Variants in SIMC1 observed in about 807,000 individuals in gnomAD.
SIMC1 encodes SUMO-interacting motif-containing protein 1.
In SIMC1, 55 loss-of-function variants were observed where a neutral mutation model predicts 82.3. That is an observed-to-expected ratio of 0.67 (90% confidence interval 0.54 to 0.84). The LOEUF is 0.84. SIMC1 is among the 40% of genes least tolerant of loss of function. SIMC1 has a pLI of 0.00. For missense variants in SIMC1, 915 were observed against 1,107.2 expected (o/e 0.83, Z 2.46); for synonymous variants, 353 against 426.3 (o/e 0.83, Z 2.12).
At chr5:176,308,159 G>A in intron 4 of SIMC1, 4 of 1,120,042 alleles carry the variant, frequency 3.6e-6, no homozygotes, top group Non-Finnish European at 4.0e-6. Flanking sequence ...AGAGAAGGAG[G>A]AAGTGATGGG....
chr5:176,319,064 G>A (rs1001719961), intron 5 of SIMC1, among the ~76,000 whole-genome samples: 2 of 152,168 alleles, frequency 1.3e-5, no homozygotes, highest in Non-Finnish European at 1.5e-5. Flanking sequence ...AGCTGAGATC[G>A]TGCCACTGCA....
Position 176,305,833 on chromosome 5 carries a change from C to T in SIMC1, c.1735-7858C>T, listed in dbSNP as rs1277624576. On this transcript the variant is annotated intron_variant, in intron 4 of 9. Coordinates refer to ENST00000429602, the MANE Select transcript of SIMC1 (RefSeq NM_001308195.2). ...GGCGTCAGCCCCCCGCCCGGCCAGC[C>T]GCCCCGTCCGGGAGGGAGGTGGGGG... is the stretch of plus-strand genomic sequence containing the variant. 3.0e-5 allele frequency among the ~76,000 whole-genome samples: 2 copies of T among 67,364 alleles called. 1 individual carries two copies. Among genetic ancestry groups the T allele is most frequent in the Admixed American group, 2.5e-4 (2 of 7,970 alleles). The allele number at this position is 67,364 out of a possible 152,430, so 44.2% of individuals were successfully genotyped here.
intron 6 of SIMC1, chr5:176,322,742 C>G: frequency 4.3e-6 from 1 of 232,374 alleles, no homozygotes; most frequent in Non-Finnish European, 8.5e-6. Flanking sequence ...TACAGCTCCT[C>G]ATCACTTCAG....
chr5:176,265,364 A>C (rs1337839731), intron 1 of SIMC1, among the ~76,000 whole-genome samples: 4 of 152,242 alleles, frequency 2.6e-5, no homozygotes, highest in Admixed American at 1.3e-4. Flanking sequence ...CAAAGAGTAA[A>C]ATTAACCAAA....
At chr5:176,250,468 C>CT (rs1761612273) in intron 1 of SIMC1, among the ~76,000 whole-genome samples, 1 of 152,164 alleles carries the variant, frequency 6.6e-6, no homozygotes, top group Admixed American at 6.5e-5. Context: ...CTGTAGATGT[C>CT]TATTAGGTCC....
At chr5:176,287,937 G>T (rs1338103541) in intron 1 of SIMC1, among the ~76,000 whole-genome samples, 1 of 152,158 alleles carries the variant, frequency 6.6e-6, no homozygotes, top group African/African-American at 2.4e-5. Context: ...GATAGAGGAA[G>T]GGGTTAGTTT....
At chr5:176,277,937 T>C (rs1417603955) in intron 1 of SIMC1, among the ~76,000 whole-genome samples, 1 of 149,698 alleles carries the variant, frequency 6.7e-6, no homozygotes, top group Non-Finnish European at 1.5e-5. Flanking sequence ...TGTGGGCTCT[T>C]TTTTGGTTCC....
chr5:176,337,099 T>A lies in SIMC1; in HGVS notation c.2366T>A (p.Val789Asp). 6.2e-7 allele frequency: 1 copy of A among 1,614,044 alleles called. No homozygotes were observed. Among genetic ancestry groups the A allele is most frequent in the Non-Finnish European group, 8.5e-7 (1 of 1,179,902 alleles). ...KSQWQTWDEL[V>D]EHLQFLLSSY... ...CAGTGGCAGACTTGGGACGAATTGG[T>A]TGAGCATCTGCAGTTTCTGCTGTCC... Residue 789 changes from valine to aspartate, a missense_variant, in exon 9 of 10, where the codon GTT becomes GAT. Around this residue, in one of 2 missense-constraint regions of SIMC1, gnomAD observed 902 missense variants for 1,040.3 expected, o/e 0.87. Coordinates refer to ENST00000429602, the MANE Select transcript of SIMC1 (RefSeq NM_001308195.2).
intron 9 of SIMC1, among the ~76,000 whole-genome samples, chr5:176,339,552 T>G (rs1766042339): frequency 6.6e-6 from 1 of 152,192 alleles, no homozygotes; most frequent in South Asian, 2.1e-4. Context: ...AGGTTAATAT[T>G]AACAGCTTGT....
chr5:176,243,041 T>C (rs1033659826), intron 1 of SIMC1, among the ~76,000 whole-genome samples: 2 of 152,094 alleles, frequency 1.3e-5, no homozygotes, highest in Non-Finnish European at 2.9e-5. Context: ...TCAATAAATA[T>C]TTATTGAGCA....
intron 1 of SIMC1, among the ~76,000 whole-genome samples, chr5:176,287,486 G>A (rs1763342947): frequency 6.6e-6 from 1 of 152,124 alleles, no homozygotes; most frequent in African/African-American, 2.4e-5. Flanking sequence ...GTAGTGGGGT[G>A]GGTGGCTACG....
intron 1 of SIMC1, among the ~76,000 whole-genome samples, chr5:176,252,355 C>T (rs1307332817): frequency 1.3e-5 from 2 of 150,700 alleles, no homozygotes; most frequent in Non-Finnish European, 3.0e-5. Context: ...GGGTGGCTGC[C>T]GGGCGGAGGG....
intron 4 of SIMC1, 144 bp from the exon 5 acceptor site, chr5:176,313,547 C>G (rs1764763695): frequency 1.9e-6 from 3 of 1,548,482 alleles, no homozygotes; most frequent in Admixed American, 1.8e-5. Context: ...ACTACCTGCC[C>G]TCTCCTAGGA....
At chr5:176,312,565 G>T (rs1764710284) in intron 4 of SIMC1, among the ~76,000 whole-genome samples, 1 of 145,330 alleles carries the variant, frequency 6.9e-6, no homozygotes, top group Non-Finnish European at 1.5e-5. Flanking sequence ...AAAAAATCTA[G>T]CACAGGTACA....
At chr5:176,304,658 A>C (rs1764205269) in intron 4 of SIMC1, among the ~76,000 whole-genome samples, 1 of 140,206 alleles carries the variant, frequency 7.1e-6, no homozygotes, top group Non-Finnish European at 1.6e-5. Flanking sequence ...ATCGTCTGGG[A>C]TGTGAGGAGC....
At chr5:176,245,247 G>T (rs1365671833) in intron 1 of SIMC1, among the ~76,000 whole-genome samples, 1 of 152,190 alleles carries the variant, frequency 6.6e-6, no homozygotes, top group Non-Finnish European at 1.5e-5. Context: ...AAGAACATGT[G>T]AAGACACAGG....
chr5:176,288,329 A>C, intron 1 of SIMC1, among the ~76,000 whole-genome samples: 1 of 152,072 alleles, frequency 6.6e-6, no homozygotes, highest in Non-Finnish European at 1.5e-5. Context: ...AATCACGTGA[A>C]CCCAGGAGGC....
intron 1 of SIMC1, among the ~76,000 whole-genome samples, chr5:176,247,607 G>T (rs1761492560): frequency 6.6e-6 from 1 of 152,034 alleles, no homozygotes; most frequent in African/African-American, 2.4e-5. Context: ...AAGCTCTTTG[G>T]TTTAATCAGA....
At chr5:176,329,195 G>A (rs1458966008) in intron 7 of SIMC1, among the ~76,000 whole-genome samples, 1 of 152,110 alleles carries the variant, frequency 6.6e-6, no homozygotes, top group Non-Finnish European at 1.5e-5. Context: ...GTTCTGGCCG[G>A]GCGCGGGGGC....
Sources: allele counts gnomAD v4.1 joint callset (sites outside exome capture counted in the v4.1 genomes callset), GRCh38; gene constraint gnomAD v4.1.1; regional missense constraint gnomAD v4.1.1; transcripts MANE v1.5; gene names NCBI Gene and HGNC (gene_info 2026-07-23, HGNC 2026-07-21).